The following FEM1B variants were observed in gnomAD, a reference collection of about 807,000 sequenced individuals.
FEM1B encodes the protein protein fem-1 homolog B.
In FEM1B, 10 loss-of-function variants were observed where a neutral mutation model predicts 38.6. The ratio of observed to expected loss-of-function variants is 0.26; its 90% confidence interval spans 0.16 to 0.44. FEM1B has a LOEUF of 0.44. FEM1B is among the 20% of genes least tolerant of loss of function. FEM1B has a pLI of 1.00. For missense variants in FEM1B, 471 were observed against 786.7 expected (o/e 0.60, Z 4.80); for synonymous variants, 288 against 288.0 (o/e 1.00, Z 0.00).
In FEM1B at chr15:68,278,686, C is replaced by T. The variant is rs756082611; in HGVS notation, c.248+21C>T. The T allele has an allele frequency of 8.1e-6, 13 of 1,611,216 alleles. No homozygotes were observed. The Admixed American group carries it at 2.0e-4, about 25-fold the overall frequency. ...GACGGGTAGGTACATCCCAAGCCAG[C>T]CTCTCTCCGACGCGCGCGGACTCGT... On this transcript the variant is annotated intron_variant, in intron 1 of 1. Transcript: ENST00000306917. This position sits in a 1 kb window ranked among gnomAD's most constrained non-coding sequence, Gnocchi z 5.7.
chr15:68,290,039 C>T lies in FEM1B; in HGVS notation c.681C>T (p.Ala227=), dbSNP rs1006223782. The T allele has an allele frequency of 5.0e-6, 8 of 1,614,148 alleles. No homozygotes were observed. The African/African-American group carries it at 5.3e-5, about 11-fold the overall frequency. The part of the protein sequence containing the change: ...GHGMTPLKVA[A]ESCKADVVEL... ...GGATGACGCCATTGAAAGTAGCTGC[C>T]GAAAGCTGTAAAGCTGATGTCGTAG... is the stretch of plus-strand genomic sequence containing the variant. Residue 227 remains alanine, a synonymous_variant, in exon 2 of 2, where the codon GCC becomes GCT. Transcript: ENST00000306917. The surrounding 1 kb of genome is among the most constrained non-coding windows in gnomAD (Gnocchi z 9.7).
At position 68,291,507 on chromosome 15, in the gene FEM1B, A is replaced by AGAT. The variant is rs1303502447; in HGVS notation, c.*266_*268dup. 2 of 395,224 alleles carry AGAT rather than the reference A, an allele frequency of 5.1e-6. No homozygotes were observed. The highest frequency in any genetic ancestry group is 9.0e-6 in the Non-Finnish European group (2 of 223,012). The allele number at this position is 395,224 out of a possible 1,614,324, so 24.5% of individuals were successfully genotyped here. A position where few individuals can be genotyped will look rare whatever the true frequency, so the allele number is the denominator to read the frequency against. ...TTGTCTTTCTTTTTTTTAAAGGAAC[A>AGAT]GATATAAAATGTTTTGTTTATGTAA... On this transcript the variant is annotated 3_prime_UTR_variant, in exon 2 of 2. Transcript: ENST00000306917. This position sits in a 1 kb window ranked among gnomAD's most constrained non-coding sequence, Gnocchi z 6.9.
In FEM1B at chr15:68,278,546, A is replaced by G. The variant is rs199906667; in HGVS notation, c.129A>G (p.Gly43=). ...TGCTTGGCTATGTCAGCCAGCAGGG[A>G]GGGCAGCGCTCCACGCCCCTCATCA... ...RYLLGYVSQQ[G]GQRSTPLIIA... is the part of the protein sequence containing the mutation. Residue 43 remains glycine, a synonymous_variant, in exon 1 of 2, where the codon GGA becomes GGG. Coordinates refer to ENST00000306917, the MANE Select transcript of FEM1B (RefSeq NM_015322.5). This position sits in a 1 kb window ranked among gnomAD's most constrained non-coding sequence, Gnocchi z 5.7. 1 of 1,614,072 alleles carries G rather than the reference A, an allele frequency of 6.2e-7. No individual in the cohort carries two copies. Among genetic ancestry groups the G allele is most frequent in the African/African-American group, 1.3e-5 (1 of 75,030 alleles).
At chr15:68,279,528 A>G (rs866619437) in intron 1 of FEM1B, among the ~76,000 whole-genome samples, 23 of 151,970 alleles carry the variant, frequency 1.5e-4, no homozygotes, top group African/African-American at 5.3e-4. Flanking sequence ...CTGTATAACG[A>G]TTTTGCTACA....
In FEM1B at chr15:68,280,522, CG is replaced by C. The variant is rs1194996968; in HGVS notation, c.248+1863del. 6.6e-6 allele frequency among the ~76,000 whole-genome samples: 1 copy of C among 151,974 alleles called. No homozygotes were observed. Among genetic ancestry groups the C allele is most frequent in the Non-Finnish European group, 1.5e-5 (1 of 67,998 alleles). ...CAGGGAAAGGAAGTGCTGTTTTATCCGGGGGGAATCTAGAAAGGCTTCACAG... is the reference window on the plus strand; with the variant it reads ...CAGGGAAAGGAAGTGCTGTTTTATCCGGGGGAATCTAGAAAGGCTTCACAG... On this transcript the variant is annotated intron_variant, in intron 1 of 1. Transcript: ENST00000306917. This position sits in a 1 kb window ranked among gnomAD's most constrained non-coding sequence, Gnocchi z 4.2.
chr15:68,282,973 C>T (rs1892743892), intron 1 of FEM1B, among the ~76,000 whole-genome samples: 2 of 152,054 alleles, frequency 1.3e-5, no homozygotes, highest in African/African-American at 2.4e-5. Context: ...ATTCTTTTGT[C>T]ATAGAATATC....
chr15:68,279,739 G>A (rs1225386448), intron 1 of FEM1B, among the ~76,000 whole-genome samples: 1 of 152,126 alleles, frequency 6.6e-6, no homozygotes. Flanking sequence ...TCTTTTTTAG[G>A]TTTAAACAAT....
rs1390748905 is a variant in FEM1B, at chr15:68,284,737, C to A, written c.249-4870C>A. Among the ~76,000 whole-genome samples the A allele has an allele frequency of 6.6e-6, 1 of 152,146 alleles. No homozygotes were observed. Among genetic ancestry groups the A allele is most frequent in the African/African-American group, 2.4e-5 (1 of 41,422 alleles). The stretch of plus-strand genomic sequence containing the variant: ...CTTCTGATAGGGTTTGGCTATGTCC[C>A]ACCCAAATCTTATCTTGAATTCCCA... On this transcript the variant is annotated intron_variant, in intron 1 of 1. Coordinates refer to ENST00000306917, the MANE Select transcript of FEM1B (RefSeq NM_015322.5). The surrounding 1 kb of genome is among the most constrained non-coding windows in gnomAD (Gnocchi z 4.4).
intron 1 of FEM1B, chr15:68,279,904 T>G (rs1892707619): frequency 6.6e-6 from 1 of 152,238 alleles, no homozygotes; most frequent in Admixed American, 6.5e-5. Flanking sequence ...GATGGCAACC[T>G]GATTCATGTT....
In FEM1B at chr15:68,284,500, TTAATTA is replaced by T. The variant is rs1410996064; in HGVS notation, c.249-5104_249-5099del. ...AAGTCATTTGTGCCTATTTTTGTTT[TTAATTA>T]TATCTGTTTTTTTAGTGGAGGTATA... On this transcript the variant is annotated intron_variant, in intron 1 of 1. Coordinates refer to ENST00000306917, the MANE Select transcript of FEM1B (RefSeq NM_015322.5). The surrounding 1 kb of genome is among the most constrained non-coding windows in gnomAD (Gnocchi z 4.4). Among the ~76,000 whole-genome samples the T allele has an allele frequency of 3.9e-5, 6 of 152,094 alleles. No homozygotes were observed. Among genetic ancestry groups the T allele is most frequent in the African/African-American group, 1.5e-4 (6 of 41,342 alleles).
chr15:68,283,309 T>A (rs1892747596), intron 1 of FEM1B, among the ~76,000 whole-genome samples: 1 of 152,036 alleles, frequency 6.6e-6, no homozygotes, highest in African/African-American at 2.4e-5. Flanking sequence ...TATTTTAATC[T>A]AACATTTCTT....
chr15:68,286,497 CAT>C lies in FEM1B; in HGVS notation c.249-3106_249-3105del, dbSNP rs71145158. On this transcript the variant is annotated intron_variant, in intron 1 of 1. Coordinates refer to ENST00000306917, the MANE Select transcript of FEM1B (RefSeq NM_015322.5). ...ACTCACACACACACACACACACACA[CAT>C]ATACCACACAACCTGCTAGGATTTT... is the stretch of plus-strand genomic sequence containing the variant. Among the ~76,000 whole-genome samples the C allele has an allele frequency of 4.6e-3, 673 of 146,872 alleles. 4 individuals are homozygous for C. The highest frequency in any genetic ancestry group is 8.0e-3 in the Non-Finnish European group (531 of 65,972).
At position 68,290,114 on chromosome 15, in the gene FEM1B, T is replaced by C; in HGVS notation, c.756T>C (p.Ala252=). 1.2e-6 allele frequency: 2 copies of C among 1,614,162 alleles called. No individual in the cohort carries two copies. The highest frequency in any genetic ancestry group is 1.3e-5 in the African/African-American group (1 of 75,072). ...GCGACCGAAGAAGTCGGATTGAAGC[T>C]TTGGAACTCTTGGGTGCCTCCTTTG... The part of the protein sequence containing the change: ...ADCDRRSRIE[A]LELLGASFAN... Residue 252 remains alanine (A), a synonymous_variant, in exon 2 of 2, where the codon GCT becomes GCC. Coordinates refer to ENST00000306917, the MANE Select transcript of FEM1B (RefSeq NM_015322.5). This position sits in a 1 kb window ranked among gnomAD's most constrained non-coding sequence, Gnocchi z 9.7.
chr15:68,286,320 A>T (rs1012398241), intron 1 of FEM1B, among the ~76,000 whole-genome samples: 1 of 151,150 alleles, frequency 6.6e-6, no homozygotes, highest in East Asian at 2.0e-4. Flanking sequence ...CTTGAAGATT[A>T]TCTTGGTTGT....
rs187936808 is a variant in FEM1B at position 68,287,533 on chromosome 15, A to G, written c.249-2074A>G. Reference sequence around the variant, plus strand: ...AAGTAATTGCTTAAATTATTATAAAATGAGTATTTTCAGTAGAAGTGATAA... The same window carrying G: ...AAGTAATTGCTTAAATTATTATAAAGTGAGTATTTTCAGTAGAAGTGATAA... On this transcript the variant is annotated intron_variant, in intron 1 of 1. Transcript: ENST00000306917. 2.6e-5 allele frequency among the ~76,000 whole-genome samples: 4 copies of G among 152,346 alleles called. No individual in the cohort carries two copies. The East Asian group carries it at 5.8e-4, about 22-fold the overall frequency.
Position 68,278,769 on chromosome 15 carries a change from CACTT to C in FEM1B, c.248+105_248+108del. Reference sequence around the variant, plus strand: ...CTTACCCTCTCTTCATGTAGGTACTCACTTCTCCCCTTTTTGTACCACCTCCTGC... The same window carrying C: ...CTTACCCTCTCTTCATGTAGGTACTCCTCCCCTTTTTGTACCACCTCCTGC... On this transcript the variant is annotated intron_variant, in intron 1 of 1. Coordinates refer to ENST00000306917, the MANE Select transcript of FEM1B (RefSeq NM_015322.5). The surrounding 1 kb of genome is among the most constrained non-coding windows in gnomAD (Gnocchi z 5.7). The C allele has an allele frequency of 7.6e-7, 1 of 1,321,002 alleles. No homozygotes were observed. Among genetic ancestry groups the C allele is most frequent in the Non-Finnish European group, 1.1e-6 (1 of 942,142 alleles). The allele number at this position is 1,321,002 out of a possible 1,614,324, so 81.8% of individuals were successfully genotyped here.
At position 68,284,556 on chromosome 15, in the gene FEM1B, CT is replaced by C. The variant is rs763628417; in HGVS notation, c.249-5049del. Among the ~76,000 whole-genome samples, 10 of 152,024 alleles carry C rather than the reference CT, an allele frequency of 6.6e-5. No homozygotes were observed. The highest frequency in any genetic ancestry group is 9.7e-5 in the African/African-American group (4 of 41,380). ...ATCATATCTAGTAAAGTACATGAAT[CT>C]TGTGTACAATACTGTACAATGAATT... On this transcript the variant is annotated intron_variant, in intron 1 of 1. Transcript: ENST00000306917. The surrounding 1 kb of genome is among the most constrained non-coding windows in gnomAD (Gnocchi z 4.4).
rs1892808657 is a variant in FEM1B at position 68,288,058 on chromosome 15, G to T, written c.249-1549G>T. The stretch of plus-strand genomic sequence containing the variant: ...TTGGCCAGGCTCGTCTTGAACTCCT[G>T]ACCTCAAGTGATCTGCCCACTTCAG... On this transcript the variant is annotated intron_variant, in intron 1 of 1. Coordinates refer to ENST00000306917, the MANE Select transcript of FEM1B (RefSeq NM_015322.5). The surrounding 1 kb of genome is among the most constrained non-coding windows in gnomAD (Gnocchi z 4.6). 6.6e-6 allele frequency among the ~76,000 whole-genome samples: 1 copy of T among 151,990 alleles called. No homozygotes were observed. The highest frequency in any genetic ancestry group is 1.5e-5 in the Non-Finnish European group (1 of 67,994).
In FEM1B at chr15:68,288,228, G is replaced by A. The variant is rs550640211; in HGVS notation, c.249-1379G>A. ...GACATCACCTCTTAATGCTATTCAC[G>A]TTTGGCAACACCTGAATTTTGGTGG... is the stretch of plus-strand genomic sequence containing the variant. On this transcript the variant is annotated intron_variant, in intron 1 of 1. Transcript: ENST00000306917. The surrounding 1 kb of genome is among the most constrained non-coding windows in gnomAD (Gnocchi z 4.6). Among the ~76,000 whole-genome samples the A allele has an allele frequency of 9.9e-5, 15 of 152,120 alleles. No homozygotes were observed. Among genetic ancestry groups the A allele is most frequent in the South Asian group, 6.2e-4 (3 of 4,828 alleles).
Sources: allele counts gnomAD v4.1 joint callset (sites outside exome capture counted in the v4.1 genomes callset), GRCh38; gene constraint gnomAD v4.1.1; non-coding constraint Gnocchi (gnomAD v3.1); transcripts MANE v1.5; gene names NCBI Gene and HGNC (gene_info 2026-07-23, HGNC 2026-07-21).